NRG1: variants seen among roughly 807,000 people sequenced by gnomAD.
NRG1 encodes neuregulin 1, also known as pro-neuregulin-1, membrane-bound isoform.
A neutral mutation model predicts 63.8 loss-of-function variants in NRG1; 18 were observed. The ratio of observed to expected loss-of-function variants is 0.28; its 90% CI spans 0.19 to 0.42. The LOEUF (loss-of-function observed/expected upper bound fraction) is 0.42. Ranked by LOEUF, NRG1 falls within the 10% of genes least tolerant of loss-of-function variation. The probability of loss-of-function intolerance (pLI) is 1.00; values close to 1 mark genes in which losing one functional copy is unlikely to be tolerated. For missense variants in NRG1, 762 were observed against 814.7 expected (o/e 0.94, Z 0.79); for synonymous variants, 302 against 301.3 (o/e 1.00, Z -0.02).
At chr8:32,146,717 A>G (rs1836904591) in intron 1 of NRG1, among the ~76,000 whole-genome samples, 1 of 152,148 alleles carries the variant, frequency 6.6e-6, no homozygotes, top group South Asian at 2.1e-4. Flanking sequence ...TTTGCTGGAA[A>G]TAATATTTTC....
rs376850064 is a variant in NRG1 at position 31,894,268 on chromosome 8, G to T, written c.37+254837G>T. 2.0e-4 allele frequency among the ~76,000 whole-genome samples: 31 copies of T among 152,206 alleles called. No homozygotes were observed. The South Asian group carries it at 6.4e-3, about 32-fold the overall frequency. On this transcript the variant is annotated intron_variant, in intron 1 of 10. Coordinates refer to the NRG1 transcript ENST00000519301. ...ATATAACCAACAGTTTATGCACAAA[G>T]AATTTAATTGCAATATTCTTAATAA...
intron 1 of NRG1, among the ~76,000 whole-genome samples, chr8:32,574,920 T>G (rs961160612): frequency 7.2e-5 from 11 of 152,204 alleles, no homozygotes; most frequent in African/African-American, 2.7e-4. Flanking sequence ...CCTTCAATCC[T>G]GTTCAGAATG....
intron 1 of NRG1, chr8:31,639,788 T>C (rs1163047521): frequency 5.5e-6 from 7 of 1,275,600 alleles, no homozygotes; most frequent in Non-Finnish European, 6.9e-6. Flanking sequence ...CGCCTTTCTG[T>C]GGTTCCATCC....
At chr8:32,401,807 A>G (rs750121526) in intron 1 of NRG1, among the ~76,000 whole-genome samples, 1 of 152,196 alleles carries the variant, frequency 6.6e-6, no homozygotes, top group Non-Finnish European at 1.5e-5. Context: ...CCTGGGTTAC[A>G]AAATAATCTG....
intron 5 of NRG1, among the ~76,000 whole-genome samples, chr8:32,708,142 G>A (rs1816915309): frequency 6.6e-6 from 1 of 152,026 alleles, no homozygotes; most frequent in African/African-American, 2.4e-5. Context: ...ATCTTATGAT[G>A]ATCTACAATA....
chr8:32,437,169 T>C (rs1273476465), intron 1 of NRG1, among the ~76,000 whole-genome samples: 1 of 152,136 alleles, frequency 6.6e-6, no homozygotes, highest in African/African-American at 2.4e-5. Flanking sequence ...GTTTTTAACC[T>C]TGCTAACACC....
chr8:31,764,742 A>G (rs1245026808), intron 1 of NRG1, among the ~76,000 whole-genome samples: 1 of 151,406 alleles, frequency 6.6e-6, no homozygotes, highest in Non-Finnish European at 1.5e-5. Context: ...ATCTTCTTTG[A>G]TTTTTTTTTA....
chr8:32,628,462 A>T (rs1015684138), intron 5 of NRG1, among the ~76,000 whole-genome samples: 1 of 152,154 alleles, frequency 6.6e-6, no homozygotes, highest in Non-Finnish European at 1.5e-5. Context: ...GTCCCTGGGT[A>T]TGTTTTAGGA....
chr8:32,648,763 A>G (rs1854278616), intron 5 of NRG1, among the ~76,000 whole-genome samples: 1 of 152,114 alleles, frequency 6.6e-6, no homozygotes, highest in African/African-American at 2.4e-5. Flanking sequence ...ACCAGTGAGT[A>G]TTATTTTGTG....
At chr8:31,740,573 A>G (rs1413314190) in intron 1 of NRG1, among the ~76,000 whole-genome samples, 1 of 152,046 alleles carries the variant, frequency 6.6e-6, no homozygotes, top group Non-Finnish European at 1.5e-5. Context: ...TTTCATTACT[A>G]ACAAAAAATT....
chr8:32,651,486 G>T (rs878930144), intron 5 of NRG1, among the ~76,000 whole-genome samples: 3 of 152,062 alleles, frequency 2.0e-5, no homozygotes, highest in Admixed American at 2.0e-4. Context: ...TGCAAACTTA[G>T]ATTATCATAA....
At chr8:32,021,044 C>A (rs1816351033) in intron 1 of NRG1, among the ~76,000 whole-genome samples, 1 of 152,118 alleles carries the variant, frequency 6.6e-6, no homozygotes. Context: ...TTACTATTTT[C>A]AAAGTTGAAA....
intron 1 of NRG1, among the ~76,000 whole-genome samples, chr8:32,266,022 T>C (rs369080568): frequency 1.4e-4 from 21 of 152,298 alleles, no homozygotes; most frequent in African/African-American, 4.8e-4. Context: ...CAGATTTTGG[T>C]ATCCTTGGGG....
chr8:32,326,228 T>C (rs28431441), intron 1 of NRG1, among the ~76,000 whole-genome samples: 1,709 of 152,064 alleles, frequency 0.011, 30 homozygotes, highest in African/African-American at 0.039. Flanking sequence ...CAGGCTGGTC[T>C]TGAACTCCTG....
chr8:32,456,993 G>A lies in NRG1; in HGVS notation c.38-138835G>A, dbSNP rs185274771. Among the ~76,000 whole-genome samples the A allele has an allele frequency of 2.9e-3, 445 of 152,192 alleles. 1 individual carries two copies. The highest frequency in any genetic ancestry group is 5.3e-3 in the Non-Finnish European group (357 of 68,000). On this transcript the variant is annotated intron_variant, in intron 1 of 10. Coordinates refer to the NRG1 transcript ENST00000519301. ...CTAAAAATACAAAAATTAGCTGGGCGTGGTGGTGGGTGCCTGTAGTCCCAG... is the reference window on the plus strand; with the variant it reads ...CTAAAAATACAAAAATTAGCTGGGCATGGTGGTGGGTGCCTGTAGTCCCAG...
At chr8:32,728,567 T>C (rs17731664) in intron 6 of NRG1, 101,346 of 984,554 alleles carry the variant, frequency 0.1, 5,297 homozygotes, top group African/African-American at 0.12. Context: ...GGGATTGTCT[T>C]ACTGTTGCAT....
chr8:32,482,313 C>T (rs1825393708), intron 1 of NRG1, among the ~76,000 whole-genome samples: 1 of 151,974 alleles, frequency 6.6e-6, no homozygotes, highest in South Asian at 2.1e-4. Flanking sequence ...GTTATACAAT[C>T]AGCTCTTGCT....
At chr8:32,049,339 G>C (rs1821604508) in intron 1 of NRG1, among the ~76,000 whole-genome samples, 2 of 152,122 alleles carry the variant, frequency 1.3e-5, no homozygotes, top group Admixed American at 1.3e-4. Flanking sequence ...GTTATGATCA[G>C]AGTCCAGTCA....
At chr8:32,629,028 C>G (rs1849800690) in intron 5 of NRG1, among the ~76,000 whole-genome samples, 1 of 152,140 alleles carries the variant, frequency 6.6e-6, no homozygotes, top group South Asian at 2.1e-4. Context: ...ACCACCACGC[C>G]CAGCCCCTGC....
Sources: allele counts gnomAD v4.1 joint callset (sites outside exome capture counted in the v4.1 genomes callset), GRCh38; gene constraint gnomAD v4.1.1; transcripts MANE v1.5; gene names NCBI Gene and HGNC (gene_info 2026-07-23, HGNC 2026-07-21).